SPATC1: variants seen among roughly 807,000 people sequenced by gnomAD.
The protein encoded by SPATC1 is spermatogenesis and centriole associated 1, also known as speriolin.
Under a neutral mutation model 36.5 loss-of-function variants are expected in SPATC1, and 35 were observed. The ratio of observed to expected loss-of-function variants is 0.96; its 90% CI spans 0.73 to 1.27. SPATC1 has a LOEUF of 1.27. SPATC1 is among the 50% of genes most tolerant of loss of function. The pLI is 0.00. For synonymous variants in SPATC1, 361 were observed against 353.6 expected (o/e 1.02, Z -0.24); for missense variants, 779 against 796.0 (o/e 0.98, Z 0.26).
At chr8:144,031,615 T>C (rs1834797918) in intron 1 of SPATC1, among the ~76,000 whole-genome samples, 1 of 151,814 alleles carries the variant, frequency 6.6e-6, no homozygotes. Context: ...CTACTTGGAG[T>C]TCACTGAGTT....
At chr8:144,042,756 C>T (rs1478795274) in intron 4 of SPATC1, among the ~76,000 whole-genome samples, 1 of 152,172 alleles carries the variant, frequency 6.6e-6, no homozygotes, top group Admixed American at 6.5e-5. Context: ...CCTGAGCAAG[C>T]AGTGTCTTGG....
intron 1 of SPATC1, among the ~76,000 whole-genome samples, chr8:144,038,056 G>A (rs1473547978): frequency 6.6e-6 from 1 of 151,674 alleles, no homozygotes. Context: ...GAACCCCGGG[G>A]GGCGGAGCCT....
At chr8:144,015,408 TAAAAAA>T (rs1243434949) in intron 1 of SPATC1, among the ~76,000 whole-genome samples, 20 of 150,984 alleles carry the variant, frequency 1.3e-4, no homozygotes, top group African/African-American at 3.6e-4. Flanking sequence ...TTAAAATTTT[TAAAAAA>T]TAAAACATCT....
chr8:144,031,592 CTA>C lies in SPATC1; in HGVS notation c.212-8315_212-8314del, dbSNP rs1357829980. On this transcript the variant is annotated intron_variant, in intron 1 of 4. Coordinates refer to ENST00000377470, the MANE Select transcript of SPATC1 (RefSeq NM_198572.3). ...TTGTAATGTATCTCAGTGAAAATCT[CTA>C]TGAGTTTATTCTACTTGGAGTTCAC... Among the ~76,000 whole-genome samples the C allele has an allele frequency of 7.9e-5, 12 of 151,068 alleles. No individual in the cohort carries two copies. In the East Asian group the frequency reaches 2.1e-3, roughly 27 times the overall value.
At chr8:144,024,972 G>A (rs1426342005) in intron 1 of SPATC1, among the ~76,000 whole-genome samples, 1 of 66,076 alleles carries the variant, frequency 1.5e-5, no homozygotes, top group Non-Finnish European at 3.3e-5. Flanking sequence ...TCCAGCCTCA[G>A]CAGCCTCCCC....
chr8:144,030,300 A>C (rs1269195722), intron 1 of SPATC1, among the ~76,000 whole-genome samples: 1 of 152,150 alleles, frequency 6.6e-6, no homozygotes, highest in Non-Finnish European at 1.5e-5. Context: ...ATTTTACTCT[A>C]TTTAAAGGAA....
chr8:144,038,567 C>T (rs571834524), intron 1 of SPATC1, among the ~76,000 whole-genome samples: 14 of 152,056 alleles, frequency 9.2e-5, no homozygotes, highest in South Asian at 2.1e-4. Context: ...CTCAACCTCC[C>T]GGGCTCAAAT....
At chr8:144,012,125 G>C (rs1395901854), upstream of SPATC1, among the ~76,000 whole-genome samples, 1 of 152,248 alleles carries the variant, frequency 6.6e-6, no homozygotes, top group South Asian at 2.1e-4. Flanking sequence ...ATGTTAAGGA[G>C]CTAGCACGGA....
chr8:144,042,193 C>T (rs952286068), intron 4 of SPATC1: 17 of 185,378 alleles, frequency 9.2e-5, no homozygotes, highest in Non-Finnish European at 1.7e-4. Flanking sequence ...AGTACAGTGG[C>T]GTGATCCTAG....
At chr8:144,032,157 A>G (rs889892044) in intron 1 of SPATC1, among the ~76,000 whole-genome samples, 1 of 151,634 alleles carries the variant, frequency 6.6e-6, no homozygotes, top group Admixed American at 6.6e-5. Flanking sequence ...TTTTCTTTCT[A>G]TTCCTGAAAC....
chr8:144,031,125 A>G (rs895527653), intron 1 of SPATC1, among the ~76,000 whole-genome samples: 1 of 152,134 alleles, frequency 6.6e-6, no homozygotes, highest in Non-Finnish European at 1.5e-5. Flanking sequence ...TTATTTTTTC[A>G]TATGGCTTCT....
At chr8:144,034,919 C>T (rs995373385) in intron 1 of SPATC1, among the ~76,000 whole-genome samples, 7 of 152,210 alleles carry the variant, frequency 4.6e-5, no homozygotes, top group Non-Finnish European at 2.9e-5. Flanking sequence ...CTGCGCCTGG[C>T]AACTCTCAGC....
chr8:144,031,644 A>G (rs1834798238), intron 1 of SPATC1, among the ~76,000 whole-genome samples: 1 of 150,608 alleles, frequency 6.6e-6, no homozygotes, highest in Non-Finnish European at 1.5e-5. Flanking sequence ...ATGTGGATCC[A>G]TATCTTTCAC....
At chr8:144,036,766 G>C (rs1402609811) in intron 1 of SPATC1, among the ~76,000 whole-genome samples, 2 of 152,008 alleles carry the variant, frequency 1.3e-5, no homozygotes, top group African/African-American at 4.8e-5. Flanking sequence ...CCTGTAAAAT[G>C]TCTATTTCCA....
At chr8:144,027,007 G>GTTTTTTTTTTTTT (rs1375778377) in intron 1 of SPATC1, among the ~76,000 whole-genome samples, 1 of 133,748 alleles carries the variant, frequency 7.5e-6, no homozygotes, top group Non-Finnish European at 1.6e-5. Flanking sequence ...TTTTTTTTTG[G>GTTTTTTTTTTTTT]ATTTTTAGTA....
intron 1 of SPATC1, among the ~76,000 whole-genome samples, chr8:144,039,076 C>A (rs1554755256): frequency 6.6e-6 from 1 of 152,194 alleles, no homozygotes; most frequent in East Asian, 1.9e-4. Flanking sequence ...TATTTCCATT[C>A]TTTCTCTATA....
chr8:144,032,644 A>G (rs1834820171), intron 1 of SPATC1, among the ~76,000 whole-genome samples: 1 of 152,172 alleles, frequency 6.6e-6, no homozygotes, highest in Non-Finnish European at 1.5e-5. Context: ...CTCTGGAAAT[A>G]AGATTATTCC....
At chr8:144,028,506 C>T (rs1176447176) in intron 1 of SPATC1, among the ~76,000 whole-genome samples, 3 of 152,162 alleles carry the variant, frequency 2.0e-5, no homozygotes, top group South Asian at 4.1e-4. Flanking sequence ...CAATGAGATA[C>T]CATCTCACAC....
intron 1 of SPATC1, among the ~76,000 whole-genome samples, chr8:144,027,644 CATCA>C (rs2133120916): frequency 6.6e-6 from 1 of 152,286 alleles, no homozygotes; most frequent in Non-Finnish European, 1.5e-5. Flanking sequence ...AGGGGTCTAA[CATCA>C]TTCTTTTGTA....
Sources: allele counts gnomAD v4.1 joint callset (sites outside exome capture counted in the v4.1 genomes callset), GRCh38; gene constraint gnomAD v4.1.1; transcripts MANE v1.5; gene names NCBI Gene and HGNC (gene_info 2026-07-23, HGNC 2026-07-21).